Variants in CREB5 observed in about 807,000 individuals in gnomAD.
CREB5 encodes cAMP responsive element binding protein 5.
Under a neutral mutation model 57.1 loss-of-function variants are expected in CREB5, and 19 were observed. That is an observed-to-expected ratio of 0.33 (90% CI 0.23 to 0.49). The LOEUF (loss-of-function observed/expected upper bound fraction) is 0.49, where lower values mean the gene tolerates loss of function less well. Ranked by LOEUF, CREB5 falls within the 20% of genes least tolerant of loss-of-function variation. CREB5 has a pLI of 0.99. For missense variants in CREB5, 579 were observed against 671.6 expected, an observed-to-expected ratio of 0.86 and a Z score of 1.52; for synonymous variants, 238 against 238.3, an observed-to-expected ratio of 1.00 and a Z score of 0.01.
intron 1 of CREB5, among the ~76,000 whole-genome samples, chr7:28,414,657 A>T (rs889151024): frequency 6.6e-6 from 1 of 152,190 alleles, no homozygotes; most frequent in African/African-American, 2.4e-5. Flanking sequence ...AAATGACATC[A>T]TGTTTAATGT....
chr7:28,639,426 A>AT (rs1798560647), intron 5 of CREB5, among the ~76,000 whole-genome samples: 1 of 152,194 alleles, frequency 6.6e-6, no homozygotes, highest in South Asian at 2.1e-4. Context: ...AGGAATATGG[A>AT]TTTTTGTTGG....
intron 1 of CREB5, among the ~76,000 whole-genome samples, chr7:28,407,187 T>C (rs940562988): frequency 2.0e-4 from 31 of 151,968 alleles, no homozygotes; most frequent in African/African-American, 7.3e-4. Flanking sequence ...GTAGCTGAGA[T>C]TACAGGCACC....
chr7:28,481,507 T>C (rs781453463), intron 1 of CREB5, among the ~76,000 whole-genome samples: 1 of 152,216 alleles, frequency 6.6e-6, no homozygotes, highest in African/African-American at 2.4e-5. Context: ...AGCCCCACTC[T>C]TGGTCTTGTT....
chr7:28,436,102 A>G (rs1444269970), intron 1 of CREB5, among the ~76,000 whole-genome samples: 1 of 89,318 alleles, frequency 1.1e-5, no homozygotes, highest in African/African-American at 4.7e-5. Context: ...TGGCTTCATT[A>G]ATGTGTCACA....
At chr7:28,343,238 C>A (rs1352919743) in intron 1 of CREB5, among the ~76,000 whole-genome samples, 1 of 152,178 alleles carries the variant, frequency 6.6e-6, no homozygotes, top group East Asian at 1.9e-4. Context: ...CTGCGCCTGG[C>A]CTGAAATATG....
rs568321520 is a variant in CREB5, at chr7:28,417,742, G to A, written c.3+4825G>A. On this transcript the variant is annotated intron_variant, in intron 1 of 10. Coordinates refer to ENST00000357727, the MANE Select transcript of CREB5 (RefSeq NM_182898.4). ...ATTCTATTTCAGGAAAGGGATTGCA[G>A]TAAAGCGTTCATTCAGAGTTCAAGG... Among the ~76,000 whole-genome samples the A allele has an allele frequency of 3.3e-5, 5 of 152,326 alleles. No individual in the cohort carries two copies. The South Asian group carries it at 1.0e-3, about 32-fold the overall frequency.
At chr7:28,350,766 C>A (rs1372935025) in intron 1 of CREB5, among the ~76,000 whole-genome samples, 1 of 151,488 alleles carries the variant, frequency 6.6e-6, no homozygotes, top group African/African-American at 2.4e-5. Context: ...GTGTGGGGAG[C>A]TGGAGGAGGA....
intron 1 of CREB5, among the ~76,000 whole-genome samples, 184 bp downstream of exon 1, chr7:28,413,101 TGTG>T (rs1289978799): frequency 3.4e-5 from 5 of 148,294 alleles, no homozygotes; most frequent in Admixed American, 6.6e-5. Context: ...GATGTGTGTG[TGTG>T]TGTGTGTGTG....
chr7:28,812,399 T>A (rs1370214292), intron 9 of CREB5, among the ~76,000 whole-genome samples: 1 of 152,188 alleles, frequency 6.6e-6, no homozygotes, highest in Non-Finnish European at 1.5e-5. Flanking sequence ...TGATTGCTTT[T>A]ACAGAACATA....
chr7:28,393,696 G>A (rs1032777959), intron 1 of CREB5, among the ~76,000 whole-genome samples: 1 of 152,230 alleles, frequency 6.6e-6, no homozygotes, highest in African/African-American at 2.4e-5. Context: ...AAAGGAATGA[G>A]AGCAACATTG....
intron 9 of CREB5, 83 bp from the exon 10 acceptor site, chr7:28,817,988 A>C: frequency 1.1e-6 from 1 of 944,522 alleles, no homozygotes; most frequent in Non-Finnish European, 1.6e-6. Context: ...AGAGTTTGCC[A>C]GTTTTGTTGT....
rs570035631 is a variant in CREB5, at chr7:28,825,570, G to T, written c.*6291G>T. 3.3e-5 allele frequency: 5 copies of T among 152,730 alleles called. No homozygotes were observed. The South Asian group carries it at 1.0e-3, about 32-fold the overall frequency. 9.5% of individuals were successfully genotyped at this position (152,730 alleles called of 1,614,324 possible). A position where few individuals can be genotyped will look rare whatever the true frequency, so the allele number is the denominator to read the frequency against. ...CTGTCACTTTAAGTTCTGGACTTGG[G>T]GTTCTTTGTATTTGTAAACAGCAAA... is the stretch of plus-strand genomic sequence containing the variant. On this transcript the variant is annotated 3_prime_UTR_variant, in exon 11 of 11. Transcript: ENST00000357727.
intron 1 of CREB5, among the ~76,000 whole-genome samples, chr7:28,363,725 G>C (rs1342990224): frequency 6.6e-6 from 1 of 152,122 alleles, no homozygotes; most frequent in Admixed American, 6.5e-5. Flanking sequence ...TAGATTTTTG[G>C]AGGGCAGCAG....
At chr7:28,605,770 G>A (rs1447564985) in intron 5 of CREB5, among the ~76,000 whole-genome samples, 1 of 67,958 alleles carries the variant, frequency 1.5e-5, no homozygotes, top group Non-Finnish European at 2.8e-5. Flanking sequence ...GATCAGACAA[G>A]CCAGACACAA....
intron 3 of CREB5, among the ~76,000 whole-genome samples, chr7:28,497,644 A>T (rs1249928748): frequency 6.6e-6 from 1 of 152,208 alleles, no homozygotes; most frequent in Non-Finnish European, 1.5e-5. Context: ...TCTTACTGGA[A>T]GGGAATGCAG....
At chr7:28,364,082 C>T (rs1786539334) in intron 1 of CREB5, among the ~76,000 whole-genome samples, 1 of 152,150 alleles carries the variant, frequency 6.6e-6, no homozygotes, top group Non-Finnish European at 1.5e-5. Flanking sequence ...GCTTATTTCT[C>T]TAAAATTTCA....
chr7:28,744,189 T>G (rs1169740077), intron 7 of CREB5, among the ~76,000 whole-genome samples: 1 of 150,698 alleles, frequency 6.6e-6, no homozygotes, highest in Non-Finnish European at 1.5e-5. Context: ...CTCATCATTT[T>G]TTATGGCTGC....
In CREB5 at chr7:28,570,352, C is replaced by T. The variant is rs1795646180; in HGVS notation, c.292-13C>T. On this transcript the variant is annotated splice_polypyrimidine_tract_variant and intron_variant, in intron 4 of 10. Coordinates refer to ENST00000357727, the MANE Select transcript of CREB5 (RefSeq NM_182898.4). ...ACTCCTCCTGACCTTTCCCCTGTGT[C>T]TTCTCTGGGCAGAATATCTCGATGC... 1.2e-5 allele frequency: 19 copies of T among 1,604,204 alleles called. No individual in the cohort carries two copies. Among genetic ancestry groups the T allele is most frequent in the Non-Finnish European group, 1.6e-5 (19 of 1,173,080 alleles).
intron 5 of CREB5, among the ~76,000 whole-genome samples, chr7:28,609,790 C>G (rs1288283184): frequency 7.2e-5 from 11 of 152,198 alleles, no homozygotes; most frequent in Admixed American, 7.2e-4. Flanking sequence ...GCACACTCGC[C>G]TGTGGTTGAC....
Sources: gnomAD v4.1 joint callset for allele counts (sites outside exome capture counted in the v4.1 genomes callset) on GRCh38, gnomAD v4.1.1 for gene constraint, MANE v1.5 for transcripts, NCBI Gene and HGNC (gene_info 2026-07-23, HGNC 2026-07-21) for gene names.